The following SGPP2 variants were observed in gnomAD, a reference collection of about 807,000 sequenced individuals.
The protein encoded by SGPP2 is sphingosine 1-phosphate phosphohydrolase 2.
A neutral mutation model predicts 33.9 loss-of-function variants in SGPP2; 30 were observed. The ratio of observed to expected loss-of-function variants is 0.89; its 90% CI spans 0.66 to 1.20. The LOEUF (loss-of-function observed/expected upper bound fraction) is 1.20. Ranked by LOEUF, SGPP2 falls within the 50% of genes most tolerant of loss-of-function variation. The probability of loss-of-function intolerance (pLI) is 0.00; values close to 1 mark genes in which losing one functional copy is unlikely to be tolerated. For missense variants in SGPP2, 458 were observed against 532.1 expected (o/e 0.86, Z 1.37); for synonymous variants, 233 against 225.0 (o/e 1.04, Z -0.32).
At position 222,424,654 on chromosome 2, in the gene SGPP2, C is replaced by T; in HGVS notation, c.52C>T (p.Gln18Ter). The T allele has an allele frequency of 1.4e-6, 2 of 1,435,648 alleles. No individual in the cohort carries two copies. The highest frequency in any genetic ancestry group is 2.7e-5 in the South Asian group (2 of 73,368). 88.9% of individuals were successfully genotyped at this position (1,435,648 alleles called of 1,614,324 possible). Residue 18 changes from glutamine to a stop codon, truncating the protein, a stop_gained, in exon 1 of 5, where the codon CAG becomes TAG. Coordinates refer to ENST00000321276, the MANE Select transcript of SGPP2 (RefSeq NM_152386.4). LOFTEE classifies it high-confidence loss of function. ...GGATTCCCAGCTCGTCGCCCGCTTC[C>T]AGCGCCGCTGCGGGCTCTTCCCCGC... ...LQDSQLVARF[Q>*]RRCGLFPAPD...
rs1349879506 is a variant in SGPP2 at position 222,477,003 on chromosome 2, TTATG to T, written c.378+2279_378+2282del. ...ATAGGTGTGTGTATATTTTGTGTATTTATGTGTGTATGTATATAGGTGTGTATAT... is the reference window on the plus strand; with the variant it reads ...ATAGGTGTGTGTATATTTTGTGTATTTGTGTATGTATATAGGTGTGTATAT... On this transcript the variant is annotated intron_variant, in intron 2 of 4. Transcript: ENST00000321276. This position sits in a 1 kb window ranked among gnomAD's most constrained non-coding sequence, Gnocchi z 6.0. Among the ~76,000 whole-genome samples the T allele has an allele frequency of 1.3e-5, 2 of 151,214 alleles. No homozygotes were observed. The highest frequency in any genetic ancestry group is 2.9e-5 in the Non-Finnish European group (2 of 67,884).
chr2:222,545,377 G>C (rs1689169112), intron 4 of SGPP2, among the ~76,000 whole-genome samples: 1 of 151,670 alleles, frequency 6.6e-6, no homozygotes. Flanking sequence ...CTTCTCCCAG[G>C]TTCAAGTGAT....
chr2:222,553,367 G>C (rs1308644159), intron 4 of SGPP2, among the ~76,000 whole-genome samples: 1 of 152,192 alleles, frequency 6.6e-6, no homozygotes, highest in Non-Finnish European at 1.5e-5. Context: ...AAAGCAAATA[G>C]ACGTATGTGA....
chr2:222,467,217 A>C (rs1005178445), intron 1 of SGPP2, among the ~76,000 whole-genome samples: 1 of 152,182 alleles, frequency 6.6e-6, no homozygotes, highest in East Asian at 1.9e-4. Context: ...CCCCAGGTCA[A>C]CTACATCAAA....
chr2:222,429,057 G>A (rs1697114191), intron 1 of SGPP2, among the ~76,000 whole-genome samples: 1 of 152,084 alleles, frequency 6.6e-6, no homozygotes, highest in Non-Finnish European at 1.5e-5. Context: ...CTCCCAAAGT[G>A]CTGGGATTAC....
intron 1 of SGPP2, among the ~76,000 whole-genome samples, chr2:222,443,562 T>C: frequency 6.6e-6 from 1 of 152,370 alleles, no homozygotes; most frequent in African/African-American, 2.4e-5. Flanking sequence ...GACAATTTTC[T>C]TTCCTGTTGC....
chr2:222,516,523 C>T (rs528576813), intron 2 of SGPP2, among the ~76,000 whole-genome samples: 93 of 152,242 alleles, frequency 6.1e-4, no homozygotes, highest in African/African-American at 2.0e-3. Flanking sequence ...TTTTGTTTCT[C>T]CTGGGCAAAT....
intron 2 of SGPP2, among the ~76,000 whole-genome samples, chr2:222,493,149 A>T (rs780495060): frequency 7.9e-5 from 12 of 152,088 alleles, no homozygotes; most frequent in Non-Finnish European, 1.3e-4. Flanking sequence ...GTACCAATTT[A>T]CTGTATTAGT....
At chr2:222,509,183 A>G (rs1698488907) in intron 2 of SGPP2, among the ~76,000 whole-genome samples, 2 of 152,284 alleles carry the variant, frequency 1.3e-5, no homozygotes, top group African/African-American at 4.8e-5. Context: ...AGTGCAGTCA[A>G]TCTCTTTTTT....
intron 4 of SGPP2, among the ~76,000 whole-genome samples, chr2:222,553,479 C>T (rs934305054): frequency 6.6e-6 from 1 of 152,184 alleles, no homozygotes; most frequent in Admixed American, 6.5e-5. Flanking sequence ...GCTAGTATTT[C>T]CGAGTTTTCT....
At chr2:222,520,240 T>G (rs1364929788) in intron 2 of SGPP2, among the ~76,000 whole-genome samples, 5 of 152,128 alleles carry the variant, frequency 3.3e-5, no homozygotes, top group African/African-American at 1.2e-4. Flanking sequence ...CTCATTGTGG[T>G]TTTTGACTTG....
At chr2:222,535,703 G>A (rs1341859974) in intron 4 of SGPP2, among the ~76,000 whole-genome samples, 2 of 152,230 alleles carry the variant, frequency 1.3e-5, no homozygotes, top group East Asian at 3.8e-4. Flanking sequence ...GCACCTCGGA[G>A]GCTGCTTCAG....
At chr2:222,536,759 C>G (rs1698921825) in intron 4 of SGPP2, among the ~76,000 whole-genome samples, 1 of 152,192 alleles carries the variant, frequency 6.6e-6, no homozygotes, top group African/African-American at 2.4e-5. Context: ...ATGCAAATTT[C>G]TGCCAGCAAG....
intron 4 of SGPP2, among the ~76,000 whole-genome samples, chr2:222,525,870 C>A (rs1415390149): frequency 1.3e-5 from 2 of 152,094 alleles, no homozygotes; most frequent in Non-Finnish European, 2.9e-5. Flanking sequence ...TCTCCCTGGT[C>A]CCTTGTGTGG....
At chr2:222,534,544 A>G (rs1208381675) in intron 4 of SGPP2, among the ~76,000 whole-genome samples, 5 of 152,190 alleles carry the variant, frequency 3.3e-5, no homozygotes, top group Non-Finnish European at 1.5e-5. Context: ...TGCAGACCAT[A>G]CAAAACTGTG....
At chr2:222,433,426 T>C (rs1179436749) in intron 1 of SGPP2, among the ~76,000 whole-genome samples, 1 of 152,220 alleles carries the variant, frequency 6.6e-6, no homozygotes, top group African/African-American at 2.4e-5. Flanking sequence ...GTTATTTCTC[T>C]CACTGTAGTT....
At chr2:222,517,719 GC>G (rs1191922228) in intron 2 of SGPP2, among the ~76,000 whole-genome samples, 1 of 152,172 alleles carries the variant, frequency 6.6e-6, no homozygotes, top group Non-Finnish European at 1.5e-5. Flanking sequence ...TGGGGCCAGA[GC>G]CCCAAAAGCA....
At chr2:222,492,626 G>A (rs1218987938) in intron 2 of SGPP2, among the ~76,000 whole-genome samples, 8 of 152,206 alleles carry the variant, frequency 5.3e-5, no homozygotes, top group South Asian at 2.1e-4. Flanking sequence ...CTCTGGAGAC[G>A]TTTTCCCTGT....
At chr2:222,526,749 A>T (rs930824966) in intron 4 of SGPP2, among the ~76,000 whole-genome samples, 1 of 152,216 alleles carries the variant, frequency 6.6e-6, no homozygotes, top group Non-Finnish European at 1.5e-5. Flanking sequence ...CATCCTCAGC[A>T]AACTAACACG....
Sources: gnomAD v4.1 joint callset for allele counts (sites outside exome capture counted in the v4.1 genomes callset) on GRCh38, gnomAD v4.1.1 for gene constraint, Gnocchi (gnomAD v3.1) non-coding constraint, MANE v1.5 for transcripts, NCBI Gene and HGNC (gene_info 2026-07-23, HGNC 2026-07-21) for gene names.